The following ATAD1 variants were observed in gnomAD, a reference collection of about 807,000 sequenced individuals.
The protein encoded by ATAD1 is outer mitochondrial transmembrane helix translocase.
In ATAD1, 18 loss-of-function variants were observed where a neutral mutation model predicts 42.7. The ratio of observed to expected loss-of-function variants is 0.42; its 90% CI spans 0.29 to 0.63. The LOEUF is 0.63. ATAD1 is among the 20% of genes least tolerant of loss of function. The pLI is 0.19. For synonymous variants in ATAD1, 132 were observed against 143.1 expected (o/e 0.92, Z 0.55); for missense variants, 294 against 440.4 (o/e 0.67, Z 2.98).
chr10:87,754,573 C>A lies in ATAD1; in HGVS notation c.*114G>T. 2 of 1,250,024 alleles carry A rather than the reference C, an allele frequency of 1.6e-6. No individual in the cohort carries two copies. The highest frequency in any genetic ancestry group is 1.8e-5 in the South Asian group (1 of 55,038). The allele number at this position is 1,250,024 out of a possible 1,614,324, so 77.4% of individuals were successfully genotyped here. Reference sequence around the variant, plus strand: ...TAACTTAGAATTCAGAGTATAAAACCATAAACACTGAGCTCCCTCATTGTT... The same window carrying A: ...TAACTTAGAATTCAGAGTATAAAACAATAAACACTGAGCTCCCTCATTGTT... On this transcript the variant is annotated 3_prime_UTR_variant, in exon 10 of 10. Transcript: ENST00000680024.
intron 5 of ATAD1, among the ~76,000 whole-genome samples, chr10:87,781,490 G>A (rs1405371903): frequency 6.6e-6 from 1 of 152,118 alleles, no homozygotes; most frequent in African/African-American, 2.4e-5. Context: ...GTACCAACAA[G>A]AAACTTAAAA....
chr10:87,788,563 T>C (rs953068978), intron 4 of ATAD1, among the ~76,000 whole-genome samples: 1 of 152,214 alleles, frequency 6.6e-6, no homozygotes, highest in Non-Finnish European at 1.5e-5. Flanking sequence ...AATTTACATA[T>C]AACTTTTGAA....
chr10:87,825,050 A>T (rs1442413948), intron 1 of ATAD1, among the ~76,000 whole-genome samples: 2 of 152,200 alleles, frequency 1.3e-5, no homozygotes, highest in Non-Finnish European at 2.9e-5. Context: ...TTGAGTATAC[A>T]TTCTTTGCTT....
intron 1 of ATAD1, among the ~76,000 whole-genome samples, chr10:87,815,640 C>T: frequency 6.6e-6 from 1 of 152,052 alleles, no homozygotes; most frequent in Non-Finnish European, 1.5e-5. Context: ...AAATTCTCCT[C>T]TCACTACTAC....
Position 87,752,853 on chromosome 10 carries a change from A to G in ATAD1, c.*1834T>C, listed in dbSNP as rs1295758646. The G allele has an allele frequency of 6.6e-6, 1 of 152,184 alleles. No homozygotes were observed. Among genetic ancestry groups the G allele is most frequent in the Non-Finnish European group, 1.5e-5 (1 of 68,008 alleles). 9.4% of individuals were successfully genotyped at this position (152,184 alleles called of 1,614,324 possible). On this transcript the variant is annotated 3_prime_UTR_variant, in exon 10 of 10. Transcript: ENST00000680024. ...AATTGAATAACCACTCCTACTGGAT[A>G]TTGTGAATTTAAGAGAAGACAAAAA...
intron 5 of ATAD1, among the ~76,000 whole-genome samples, chr10:87,779,024 T>C (rs1201728353): frequency 6.6e-6 from 1 of 152,180 alleles, no homozygotes; most frequent in African/African-American, 2.4e-5. Flanking sequence ...AAGTTGGACT[T>C]AAAATTCCTG....
At chr10:87,791,780 G>C (rs1256583584) in intron 3 of ATAD1, among the ~76,000 whole-genome samples, 1 of 152,070 alleles carries the variant, frequency 6.6e-6, no homozygotes, top group East Asian at 1.9e-4. Flanking sequence ...TATTGATATA[G>C]GATCTTATAC....
intron 2 of ATAD1, among the ~76,000 whole-genome samples, chr10:87,802,853 T>TTTCTATAG (rs1490247805): frequency 1.1e-4 from 16 of 152,204 alleles, no homozygotes; most frequent in Non-Finnish European, 2.2e-4. Context: ...TTTTTATTAT[T>TTTCTATAG]TTCTATAGTT....
intron 8 of ATAD1, among the ~76,000 whole-genome samples, chr10:87,764,164 TA>T (rs796377018): frequency 2.2e-3 from 315 of 145,304 alleles, no homozygotes; most frequent in African/African-American, 6.5e-3. Flanking sequence ...GTAGTGGCTA[TA>T]AAAAAAAAAA....
At chr10:87,815,986 A>G (rs1857398211) in intron 1 of ATAD1, among the ~76,000 whole-genome samples, 1 of 152,122 alleles carries the variant, frequency 6.6e-6, no homozygotes, top group South Asian at 2.1e-4. Flanking sequence ...TTCACCTAGG[A>G]TTAGTCAAAT....
intron 8 of ATAD1, among the ~76,000 whole-genome samples, chr10:87,766,196 T>C (rs1353350808): frequency 6.6e-6 from 1 of 152,170 alleles, no homozygotes; most frequent in East Asian, 1.9e-4. Flanking sequence ...TGGCAATAGC[T>C]ACCAAAATTA....
upstream of ATAD1, among the ~76,000 whole-genome samples, chr10:87,822,590 A>C (rs913958538): frequency 9.9e-5 from 15 of 152,180 alleles, no homozygotes; most frequent in African/African-American, 3.6e-4. Context: ...AAAACAGTTG[A>C]ACTCATGGAG....
chr10:87,772,406 C>G (rs1388371198), intron 6 of ATAD1, among the ~76,000 whole-genome samples: 1 of 151,840 alleles, frequency 6.6e-6, no homozygotes, highest in African/African-American at 2.4e-5. Context: ...AAACACCACA[C>G]CCAGCCTCTT....
At chr10:87,793,281 T>TAA (rs1856216879) in intron 2 of ATAD1, among the ~76,000 whole-genome samples, 2 of 152,212 alleles carry the variant, frequency 1.3e-5, no homozygotes, top group South Asian at 4.1e-4. Flanking sequence ...CTGTCCCTTT[T>TAA]AGGTAGAAGA....
rs1855732738 is a variant in ATAD1, at chr10:87,784,567, C to A, written c.486G>T (p.Leu162=). ...GAGATTCTCCATACCACTTATCGGT[C>A]AGTGTCGAAGGCTGAAGGTTAATAA... ...CRFINLQPST[L]TDKWYGESQK... Residue 162 remains leucine, a synonymous_variant, in exon 5 of 10, where the codon CTG becomes CTT. Coordinates refer to ENST00000680024, the MANE Select transcript of ATAD1 (RefSeq NM_001321967.2). The A allele has an allele frequency of 3.1e-6, 5 of 1,613,666 alleles. No homozygotes were observed. The South Asian group carries it at 4.4e-5, about 14-fold the overall frequency.
At chr10:87,781,974 A>G (rs1855584619) in intron 5 of ATAD1, among the ~76,000 whole-genome samples, 1 of 151,740 alleles carries the variant, frequency 6.6e-6, no homozygotes, top group East Asian at 1.9e-4. Context: ...TAATGGGAAC[A>G]TTGCAACATG....
chr10:87,779,132 C>T (rs970384443), intron 5 of ATAD1, among the ~76,000 whole-genome samples: 6 of 151,774 alleles, frequency 4.0e-5, no homozygotes, highest in African/African-American at 1.5e-4. Flanking sequence ...AACCTCATCT[C>T]TACTAAAAAT....
intron 2 of ATAD1, among the ~76,000 whole-genome samples, chr10:87,809,507 G>A (rs1438665407): frequency 4.0e-5 from 6 of 149,384 alleles, no homozygotes; most frequent in East Asian, 3.9e-4. Flanking sequence ...CAGGAGAGAC[G>A]GGCACACTCA....
chr10:87,759,215 CAT>C (rs1392282063), intron 8 of ATAD1, among the ~76,000 whole-genome samples: 10 of 152,072 alleles, frequency 6.6e-5, no homozygotes, highest in Non-Finnish European at 1.2e-4. Context: ...ATAAAAATAA[CAT>C]ATACCTATAC....
Sources: gnomAD v4.1 joint callset for allele counts (sites outside exome capture counted in the v4.1 genomes callset) on GRCh38, gnomAD v4.1.1 for gene constraint, MANE v1.5 for transcripts, NCBI Gene and HGNC (gene_info 2026-07-23, HGNC 2026-07-21) for gene names.